Variants in RB1 observed in about 807,000 individuals in gnomAD.
RB1 encodes RB transcriptional corepressor 1, also known as retinoblastoma-associated protein.
RB1 carries 18 observed loss-of-function variants against 135.4 expected under a neutral mutation model. That is an observed-to-expected ratio of 0.13 (90% CI 0.09 to 0.20). RB1 has a LOEUF of 0.20. Ranked by LOEUF, RB1 falls within the 10% of genes least tolerant of loss-of-function variation. RB1 has a pLI of 1.00. For missense variants in RB1, 868 were observed against 1,110.0 expected (o/e 0.78, Z 3.10); for synonymous variants, 365 against 373.2 (o/e 0.98, Z 0.25).
chr13:48,387,777 A>C (rs1175501834), intron 17 of RB1, among the ~76,000 whole-genome samples: 1 of 152,182 alleles, frequency 6.6e-6, no homozygotes, highest in Non-Finnish European at 1.5e-5. Context: ...AATTACTAAC[A>C]AAGTAAATAT....
intron 23 of RB1, among the ~76,000 whole-genome samples, chr13:48,471,555 T>A (rs1593543204): frequency 2.5e-5 from 2 of 79,264 alleles, no homozygotes; most frequent in Non-Finnish European, 2.7e-5. Context: ...AAACTTAGAG[T>A]ATAATAAAAA....
chr13:48,397,733 T>C (rs754625855), intron 17 of RB1, among the ~76,000 whole-genome samples: 1 of 152,224 alleles, frequency 6.6e-6, no homozygotes, highest in Non-Finnish European at 1.5e-5. Flanking sequence ...TAATTTGTAA[T>C]GAATAGCCCA....
chr13:48,303,969 A>G lies in RB1; in HGVS notation c.57A>G (p.Glu19=). The G allele has an allele frequency of 1.3e-6, 2 of 1,502,328 alleles. No individual in the cohort carries two copies. Among genetic ancestry groups the G allele is most frequent in the East Asian group, 2.7e-5 (1 of 37,066 alleles). 93.1% of individuals were successfully genotyped at this position (1,502,328 alleles called of 1,614,324 possible). ...TAATAAAAAA[E]PPAPPPPPPP... ...CCACCGCCGCCGCTGCCGCCGCGGA[A>G]CCCCCGGCACCGCCGCCGCCGCCCC... Residue 19 remains glutamate, a synonymous_variant, in exon 1 of 27, where the codon GAA becomes GAG. Transcript: ENST00000267163.
intron 2 of RB1, among the ~76,000 whole-genome samples, chr13:48,338,683 A>C (rs1174728444): frequency 1.3e-5 from 2 of 152,238 alleles, no homozygotes; most frequent in Admixed American, 1.3e-4. Flanking sequence ...TCAAATCGTC[A>C]AAGTCATTCT....
At chr13:48,317,074 G>A in intron 2 of RB1, 1 of 802,690 alleles carries the variant, frequency 1.2e-6, no homozygotes. Flanking sequence ...TTGCTGCTTG[G>A]CCAGGGCCCG....
At chr13:48,477,975 C>CA (rs1024601904) in intron 26 of RB1, among the ~76,000 whole-genome samples, 11 of 151,606 alleles carry the variant, frequency 7.3e-5, no homozygotes, top group African/African-American at 1.2e-4. Context: ...TGAGACTAGA[C>CA]AAAAAAAATA....
chr13:48,476,670 G>A, intron 24 of RB1, 31 bp from the exon 25 acceptor site: 1 of 1,603,338 alleles, frequency 6.2e-7, no homozygotes, highest in East Asian at 2.2e-5. Context: ...GGCATTTAAT[G>A]ATTTAAAGTA....
chr13:48,331,286 C>T (rs1297885909), intron 2 of RB1, among the ~76,000 whole-genome samples: 1 of 152,100 alleles, frequency 6.6e-6, no homozygotes, highest in South Asian at 2.1e-4. Context: ...AGATATTAGG[C>T]AAGAAAAAGA....
intron 5 of RB1, 92 bp downstream of exon 5, chr13:48,347,955 C>T (rs1472869612): frequency 8.4e-6 from 8 of 949,074 alleles, no homozygotes; most frequent in South Asian, 2.9e-5. Context: ...TTAGTTTGAT[C>T]GATTATAGCA....
At chr13:48,451,916 A>G (rs1444184005) in intron 17 of RB1, among the ~76,000 whole-genome samples, 1 of 151,588 alleles carries the variant, frequency 6.6e-6, no homozygotes, top group African/African-American at 2.4e-5. Context: ...TGTTTATAGT[A>G]TTTTCTGATG....
chr13:48,389,255 TC>T (rs1948594190), intron 17 of RB1, among the ~76,000 whole-genome samples: 1 of 152,058 alleles, frequency 6.6e-6, no homozygotes, highest in Non-Finnish European at 1.5e-5. Flanking sequence ...GCTTGCTCAC[TC>T]AGACTTTTCA....
At chr13:48,339,620 C>G (rs866170472) in intron 2 of RB1, among the ~76,000 whole-genome samples, 2 of 152,278 alleles carry the variant, frequency 1.3e-5, no homozygotes, top group Middle Eastern at 3.4e-3. Flanking sequence ...CCTGTGCTTC[C>G]CAGGTGAGGT....
intron 2 of RB1, chr13:48,320,515 A>G (rs1952225626): frequency 3.4e-6 from 2 of 583,816 alleles, no homozygotes; most frequent in Admixed American, 5.9e-5. Flanking sequence ...ACGACGCTTT[A>G]TTTCTCTGCC....
intron 9 of RB1, among the ~76,000 whole-genome samples, chr13:48,366,998 A>C (rs940661146): frequency 6.6e-6 from 1 of 151,820 alleles, no homozygotes; most frequent in South Asian, 2.1e-4. Context: ...AGGTACCTAT[A>C]ATCCCAGCTA....
chr13:48,435,838 T>C (rs1164572203), intron 17 of RB1, among the ~76,000 whole-genome samples: 6 of 152,186 alleles, frequency 3.9e-5, no homozygotes, highest in Non-Finnish European at 5.9e-5. Context: ...TGATTTGCTT[T>C]TGTATCTTTG....
intron 2 of RB1, among the ~76,000 whole-genome samples, chr13:48,311,295 A>AT (rs1489360126): frequency 6.6e-6 from 1 of 152,132 alleles, no homozygotes. Flanking sequence ...CCACTTACTT[A>AT]TTTTTGTGAT....
chr13:48,358,038 C>T (rs1952608172), intron 6 of RB1, among the ~76,000 whole-genome samples: 1 of 152,068 alleles, frequency 6.6e-6, no homozygotes, highest in Admixed American at 6.6e-5. Context: ...GTTCTTCCTG[C>T]TGGCTGCACA....
At chr13:48,447,750 G>A (rs443211) in intron 17 of RB1, among the ~76,000 whole-genome samples, 135,277 of 152,068 alleles carry the variant, frequency 0.89, 61,448 homozygotes, top group East Asian at 1. Flanking sequence ...TAGTTTTCCC[G>A]TGATCATGAC....
intron 8 of RB1, among the ~76,000 whole-genome samples, chr13:48,364,209 T>C (rs1952670938): frequency 1.3e-5 from 2 of 152,170 alleles, no homozygotes; most frequent in South Asian, 4.1e-4. Flanking sequence ...TTTGCAATAA[T>C]TTGAAAAAAT....
Sources: gnomAD v4.1 joint callset for allele counts (sites outside exome capture counted in the v4.1 genomes callset) on GRCh38, gnomAD v4.1.1 for gene constraint, MANE v1.5 for transcripts, NCBI Gene and HGNC (gene_info 2026-07-23, HGNC 2026-07-21) for gene names.